The following PCDH15 variants were observed in gnomAD, a reference collection of about 807,000 sequenced individuals.
PCDH15 encodes protocadherin-15.
Under a neutral mutation model 178.5 loss-of-function variants are expected in PCDH15, and 129 were observed. The observed-to-expected ratio is 0.72, with a 90% CI of 0.63 to 0.84. The LOEUF (loss-of-function observed/expected upper bound fraction) is 0.84. Ranked by LOEUF, PCDH15 falls within the 40% of genes least tolerant of loss-of-function variation. The pLI is 0.00. For missense variants in PCDH15, 2,230 were observed against 2,099.9 expected (o/e 1.06, Z -1.21); for synonymous variants, 800 against 732.0 (o/e 1.09, Z -1.50).
intron 14 of PCDH15, among the ~76,000 whole-genome samples, chr10:54,142,655 C>T (rs1447208890): frequency 6.6e-6 from 1 of 151,982 alleles, no homozygotes; most frequent in African/African-American, 2.4e-5. Flanking sequence ...TCGTAAAAGG[C>T]TATAAGAACT....
chr10:55,340,790 T>C (rs1844534105), intron 2 of PCDH15, among the ~76,000 whole-genome samples: 1 of 151,948 alleles, frequency 6.6e-6, no homozygotes. Context: ...GCCAAATGAG[T>C]TTTATGTAAC....
chr10:55,546,831 G>A (rs1204320630), intron 2 of PCDH15, among the ~76,000 whole-genome samples: 2 of 151,986 alleles, frequency 1.3e-5, no homozygotes, highest in Non-Finnish European at 2.9e-5. Flanking sequence ...ATGAACAGAC[G>A]GAATTAGAAT....
At chr10:53,961,406 G>A (rs961497405) in intron 22 of PCDH15, among the ~76,000 whole-genome samples, 4 of 151,764 alleles carry the variant, frequency 2.6e-5, no homozygotes, top group African/African-American at 9.7e-5. Context: ...TAAAATAATA[G>A]TATTAATGTC....
chr10:54,858,879 G>A (rs969573936), intron 3 of PCDH15, among the ~76,000 whole-genome samples: 1 of 152,102 alleles, frequency 6.6e-6, no homozygotes, highest in Admixed American at 6.6e-5. Flanking sequence ...AATAACTACT[G>A]AAGAATTTTA....
At chr10:53,823,451 A>G (rs777410763) in intron 32 of PCDH15, 4 of 1,189,580 alleles carry the variant, frequency 3.4e-6, no homozygotes, top group Non-Finnish European at 5.0e-6. Context: ...TTACTATTAA[A>G]TACTTAAAAA....
intron 6 of PCDH15, among the ~76,000 whole-genome samples, chr10:54,334,508 A>G (rs1448737437): frequency 6.6e-6 from 1 of 152,178 alleles, no homozygotes; most frequent in Non-Finnish European, 1.5e-5. Flanking sequence ...TAGAAATGGA[A>G]TATGGGGTTA....
chr10:54,488,966 T>G (rs772047321), intron 3 of PCDH15, among the ~76,000 whole-genome samples: 5 of 152,024 alleles, frequency 3.3e-5, no homozygotes, highest in Admixed American at 2.6e-4. Context: ...TTAGACTATT[T>G]CTATTGAAAT....
At chr10:55,061,351 C>G (rs918315336) in intron 2 of PCDH15, among the ~76,000 whole-genome samples, 1 of 152,068 alleles carries the variant, frequency 6.6e-6, no homozygotes, top group African/African-American at 2.4e-5. Flanking sequence ...ATTAGAACAA[C>G]AAGTAGATGC....
chr10:54,034,004 C>A (rs2093360363), intron 18 of PCDH15, among the ~76,000 whole-genome samples: 1 of 151,644 alleles, frequency 6.6e-6, no homozygotes. Flanking sequence ...AAATCATTTT[C>A]TTGTATCATT....
intron 3 of PCDH15, among the ~76,000 whole-genome samples, chr10:54,452,110 A>AT (rs910731840): frequency 6.6e-6 from 1 of 151,972 alleles, no homozygotes; most frequent in Admixed American, 6.6e-5. Context: ...TCTGAGGCAT[A>AT]TTCTGATTAG....
intron 2 of PCDH15, among the ~76,000 whole-genome samples, chr10:55,605,503 T>C (rs1245198543): frequency 1.3e-5 from 2 of 150,846 alleles, no homozygotes; most frequent in Non-Finnish European, 3.0e-5. Flanking sequence ...CTCAATAAAA[T>C]ACTGGCAAAC....
rs144232986 is a variant in PCDH15 at position 55,346,890 on chromosome 10, A to T, written c.-155-180239T>A. On this transcript the variant is annotated intron_variant, in intron 2 of 5. Coordinates refer to the PCDH15 transcript ENST00000613346. Reference sequence around the variant, plus strand: ...AAGTTGGGATATTAGAGATATAGTCAGTACAGGTTACTATAAATTAGGAGG... The same window carrying T: ...AAGTTGGGATATTAGAGATATAGTCTGTACAGGTTACTATAAATTAGGAGG... 2.2e-3 allele frequency among the ~76,000 whole-genome samples: 333 copies of T among 152,098 alleles called. 3 individuals are homozygous for T. Among genetic ancestry groups the T allele is most frequent in the African/African-American group, 7.5e-3 (310 of 41,512 alleles).
intron 16 of PCDH15, among the ~76,000 whole-genome samples, chr10:54,088,244 A>G (rs7080927): frequency 0.027 from 4,087 of 152,264 alleles, 179 homozygotes; most frequent in African/African-American, 0.09. Context: ...CTACAGACAC[A>G]AAGTATGTAT....
At chr10:54,571,897 T>C (rs1295979660) in intron 2 of PCDH15, among the ~76,000 whole-genome samples, 2 of 152,166 alleles carry the variant, frequency 1.3e-5, no homozygotes, top group Non-Finnish European at 2.9e-5. Flanking sequence ...ATGGCAGGAC[T>C]TCTCAGAAGG....
intron 2 of PCDH15, among the ~76,000 whole-genome samples, chr10:54,539,706 C>G (rs1176148927): frequency 1.3e-5 from 2 of 152,128 alleles, no homozygotes; most frequent in Non-Finnish European, 2.9e-5. Context: ...AGAATATACT[C>G]TAAGATCAAC....
intron 3 of PCDH15, among the ~76,000 whole-genome samples, chr10:54,456,300 T>C (rs2076817892): frequency 6.6e-6 from 1 of 152,142 alleles, no homozygotes; most frequent in Admixed American, 6.6e-5. Context: ...CCCAAGGCTG[T>C]GGGAGCTCAC....
intron 3 of PCDH15, among the ~76,000 whole-genome samples, chr10:54,836,044 A>C (rs1357365674): frequency 6.6e-6 from 1 of 152,208 alleles, no homozygotes; most frequent in Non-Finnish European, 1.5e-5. Context: ...TAAAAAACTG[A>C]AGGTTTTATT....
At chr10:54,217,309 T>C (rs949104217) in intron 9 of PCDH15, among the ~76,000 whole-genome samples, 1 of 152,112 alleles carries the variant, frequency 6.6e-6, no homozygotes, top group East Asian at 1.9e-4. Flanking sequence ...CTACCCCAGG[T>C]GAATTTTAAA....
chr10:54,700,553 T>TC (rs2095296209), intron 1 of PCDH15, among the ~76,000 whole-genome samples: 1 of 152,044 alleles, frequency 6.6e-6, no homozygotes, highest in Non-Finnish European at 1.5e-5. Flanking sequence ...AAAACTCACT[T>TC]CAATAATTTC....
Sources: allele counts gnomAD v4.1 joint callset (sites outside exome capture counted in the v4.1 genomes callset), GRCh38; gene constraint gnomAD v4.1.1; transcripts MANE v1.5; gene names NCBI Gene and HGNC (gene_info 2026-07-23, HGNC 2026-07-21).